The following UBA2 variants were observed in gnomAD, a reference collection of about 807,000 sequenced individuals.
The protein encoded by UBA2 is SUMO-activating enzyme subunit 2.
A neutral mutation model predicts 77.2 loss-of-function variants in UBA2; 11 were observed. The ratio of observed to expected loss-of-function variants is 0.14; its 90% confidence interval spans 0.09 to 0.24. The LOEUF (loss-of-function observed/expected upper bound fraction) is 0.24. Ranked by LOEUF, UBA2 falls within the 10% of genes least tolerant of loss-of-function variation. The probability of loss-of-function intolerance (pLI) is 1.00; values close to 1 mark genes in which losing one functional copy is unlikely to be tolerated. For synonymous variants in UBA2, 278 were observed against 276.7 expected (o/e 1.00, Z -0.05); for missense variants, 487 against 781.7 (o/e 0.62, Z 4.50).
intron 13 of UBA2, 87 bp from the exon 14 acceptor site, chr19:34,460,383 A>G (rs2075617700): frequency 2.3e-6 from 2 of 872,804 alleles, no homozygotes; most frequent in Non-Finnish European, 3.5e-6. Flanking sequence ...AGAAGGGGAA[A>G]GTAAGAGCCT....
intron 8 of UBA2, among the ~76,000 whole-genome samples, chr19:34,448,026 G>C (rs1296882660): frequency 6.6e-6 from 1 of 152,228 alleles, no homozygotes; most frequent in Non-Finnish European, 1.5e-5. Flanking sequence ...GTTGAGGTCA[G>C]ATCAGGCAGA....
intron 6 of UBA2, among the ~76,000 whole-genome samples, chr19:34,440,775 A>G (rs1394923752): frequency 6.6e-6 from 1 of 152,052 alleles, no homozygotes; most frequent in Non-Finnish European, 1.5e-5. Context: ...AAAAATACAA[A>G]ATTAGCCGGA....
chr19:34,451,590 C>A (rs908001250), intron 9 of UBA2, among the ~76,000 whole-genome samples: 2 of 139,990 alleles, frequency 1.4e-5, no homozygotes, highest in African/African-American at 5.5e-5. Flanking sequence ...CTCTGTCGCC[C>A]AGGCTGGAGT....
Position 34,469,088 on chromosome 19 carries a change from C to A in UBA2, c.1790C>A (p.Ser597Tyr), listed in dbSNP as rs765527310. Residue 597 changes from serine (S) to tyrosine (Y), a missense_variant, in exon 17 of 17, where the codon TCT becomes TAT. By Grantham distance (144) the Ser-to-Tyr change is moderately radical (BLOSUM62 -2). This residue lies in a region of UBA2 where 40 missense variants were observed against 36.6 expected (regional missense o/e 1.09). Coordinates refer to ENST00000246548, the MANE Select transcript of UBA2 (RefSeq NM_005499.3). ...VLIVDSDEED[S>Y]SNNADVSEEE... ...ATAGTTGATTCAGATGAAGAAGATTCTTCAAATAATGCCGACGTCAGTGAA... is the reference window on the plus strand; with the variant it reads ...ATAGTTGATTCAGATGAAGAAGATTATTCAAATAATGCCGACGTCAGTGAA... 6 of 1,611,358 alleles carry A rather than the reference C, an allele frequency of 3.7e-6. No individual in the cohort carries two copies. Among genetic ancestry groups the A allele is most frequent in the Non-Finnish European group, 5.1e-6 (6 of 1,179,278 alleles).
At chr19:34,464,430 C>T (rs949192895) in intron 15 of UBA2, among the ~76,000 whole-genome samples, 75 of 151,910 alleles carry the variant, frequency 4.9e-4, no homozygotes, top group Non-Finnish European at 7.5e-4. Context: ...TAGTGGCAGG[C>T]GCCTGTAGTC....
chr19:34,432,499 TTTGAGGTACTGGAA>T (rs1259970304), intron 3 of UBA2, among the ~76,000 whole-genome samples: 2 of 152,188 alleles, frequency 1.3e-5, no homozygotes, highest in Non-Finnish European at 1.5e-5. Context: ...ATAGTCCTTG[TTTGAGGTACTGGAA>T]TTGAGGTACT....
In UBA2 at chr19:34,433,425, T is replaced by TA. The variant is rs774595373; in HGVS notation, c.358+15dup. 3 of 1,519,184 alleles carry TA rather than the reference T, an allele frequency of 2.0e-6. No individual in the cohort carries two copies. The highest frequency in any genetic ancestry group is 2.7e-6 in the Non-Finnish European group (3 of 1,099,380). 94.1% of individuals were successfully genotyped at this position (1,519,184 alleles called of 1,614,324 possible). On this transcript the variant is annotated intron_variant, in intron 4 of 16. Coordinates refer to ENST00000246548, the MANE Select transcript of UBA2 (RefSeq NM_005499.3). The stretch of plus-strand genomic sequence containing the variant: ...TTAGATAACAGAGGTGAGGTTATTT[T>TA]AATACTTTTAATTTCTCAGTATTTC...
At chr19:34,452,456 A>G (rs1443107815) in intron 10 of UBA2, among the ~76,000 whole-genome samples, 1 of 152,214 alleles carries the variant, frequency 6.6e-6, no homozygotes, top group African/African-American at 2.4e-5. Flanking sequence ...GTATTCATAG[A>G]AGTCATAAAA....
At chr19:34,439,985 G>A (rs985299306) in intron 6 of UBA2, among the ~76,000 whole-genome samples, 7 of 152,190 alleles carry the variant, frequency 4.6e-5, no homozygotes, top group East Asian at 1.9e-4. Flanking sequence ...TAAGACCATG[G>A]TAGTACATAA....
chr19:34,447,123 G>T (rs7254399), intron 8 of UBA2, among the ~76,000 whole-genome samples: 1 of 151,878 alleles, frequency 6.6e-6, no homozygotes, highest in African/African-American at 2.4e-5. Context: ...CTCAAAACTG[G>T]AGAATTTGGA....
At chr19:34,429,095 C>T (rs2075221688) in intron 1 of UBA2, 19 of 982,982 alleles carry the variant, frequency 1.9e-5, no homozygotes, top group Admixed American at 6.2e-5. Flanking sequence ...AACGCTATTT[C>T]CACCCTGCTT....
chr19:34,458,696 C>A, intron 12 of UBA2, 73 bp from the exon 13 acceptor site: 4 of 1,305,348 alleles, frequency 3.1e-6, no homozygotes, highest in Non-Finnish European at 4.1e-6. Context: ...ATCTGGTAAA[C>A]GAGATTTTAG....
At chr19:34,460,997 TTTCAAAAG>T (rs2075624871) in intron 14 of UBA2, among the ~76,000 whole-genome samples, 1 of 152,226 alleles carries the variant, frequency 6.6e-6, no homozygotes, top group South Asian at 2.1e-4. Flanking sequence ...TGATCTTTCC[TTTCAAAAG>T]TTCAAGCAGT....
intron 7 of UBA2, among the ~76,000 whole-genome samples, chr19:34,444,448 G>A (rs560548199): frequency 6.5e-4 from 99 of 152,312 alleles, no homozygotes; most frequent in Non-Finnish European, 1.1e-3. Flanking sequence ...ATAGAGCTGC[G>A]AGTTGTTCCT....
At chr19:34,467,827 A>G (rs1178960120) in intron 16 of UBA2, among the ~76,000 whole-genome samples, 1 of 152,148 alleles carries the variant, frequency 6.6e-6, no homozygotes, top group Non-Finnish European at 1.5e-5. Flanking sequence ...AAATAAGAAC[A>G]CTTTGTTATT....
chr19:34,450,505 C>G, intron 9 of UBA2, 141 bp downstream of exon 9: 1 of 530,858 alleles, frequency 1.9e-6, no homozygotes, highest in Non-Finnish European at 3.2e-6. Context: ...ACAAAAGTCA[C>G]TGAAGTCCCA....
intron 5 of UBA2, among the ~76,000 whole-genome samples, chr19:34,437,631 G>C (rs752267823): frequency 4.6e-5 from 7 of 152,112 alleles, no homozygotes; most frequent in Non-Finnish European, 1.0e-4. Flanking sequence ...AAAAAGAAGA[G>C]ACTGAGGTTA....
Position 34,452,100 on chromosome 19 carries a change from G to C in UBA2, c.991G>C (p.Val331Leu). ...LFSKSIETLR[V>L]HLAEKGDGAE... ...TTCAAAGAGCATCGAGACTTTGAGA[G>C]TTCATTTAGCAGAAAAGGGGGATGG... Residue 331 changes from valine to leucine, a missense_variant, in exon 10 of 17, where the codon GTT becomes CTT. Around this residue, in one of 9 missense-constraint regions of UBA2, gnomAD observed 300 missense variants for 454.3 expected, o/e 0.66. Transcript: ENST00000246548. 6.2e-7 allele frequency: 1 copy of C among 1,609,700 alleles called. No individual in the cohort carries two copies. The highest frequency in any genetic ancestry group is 8.5e-7 in the Non-Finnish European group (1 of 1,176,920).
intron 7 of UBA2, among the ~76,000 whole-genome samples, chr19:34,444,341 A>C (rs2075405431): frequency 6.6e-6 from 1 of 152,110 alleles, no homozygotes; most frequent in Non-Finnish European, 1.5e-5. Flanking sequence ...AGGCGTAAGC[A>C]ACCGTGCCTA....
Sources: allele counts gnomAD v4.1 joint callset (sites outside exome capture counted in the v4.1 genomes callset), GRCh38; gene constraint gnomAD v4.1.1; regional missense constraint gnomAD v4.1.1; transcripts MANE v1.5; gene names NCBI Gene and HGNC (gene_info 2026-07-23, HGNC 2026-07-21).